ASB18: variants seen among roughly 807,000 people sequenced by gnomAD.
ASB18 encodes the protein ankyrin repeat and SOCS box containing 18.
ASB18 carries 33 observed loss-of-function variants against 33.4 expected under a neutral mutation model. That is an observed-to-expected ratio of 0.99 (90% CI 0.75 to 1.32). ASB18 has a LOEUF of 1.32. Among genes scored for constraint, ASB18 ranks in the 40% most tolerant of loss-of-function variants. ASB18 has a pLI of 0.00. For missense variants in ASB18, 694 were observed against 655.5 expected (o/e 1.06, Z -0.64); for synonymous variants, 295 against 307.6 (o/e 0.96, Z 0.43).
chr2:236,227,868 A>G (rs1388264953), intron 3 of ASB18, among the ~76,000 whole-genome samples: 1 of 152,204 alleles, frequency 6.6e-6, no homozygotes, highest in Non-Finnish European at 1.5e-5. Context: ...TGTTTGACAC[A>G]TTGCCATAGC....
rs1451729945 is a variant in ASB18 at position 236,244,120 on chromosome 2, C to T, written c.206-2718G>A. On this transcript the variant is annotated intron_variant, in intron 1 of 5. Transcript: ENST00000409749. The surrounding 1 kb of genome is among the most constrained non-coding windows in gnomAD (Gnocchi z 6.1). ...GGATTACAGGTGTGAGCCACCGTGCCCGGCCTGTTTTTCTTTCTTTCTTTC... is the reference window on the plus strand; with the variant it reads ...GGATTACAGGTGTGAGCCACCGTGCTCGGCCTGTTTTTCTTTCTTTCTTTC... Among the ~76,000 whole-genome samples, 3 of 152,202 alleles carry T rather than the reference C, an allele frequency of 2.0e-5. No individual in the cohort carries two copies. The highest frequency in any genetic ancestry group is 2.9e-5 in the Non-Finnish European group (2 of 68,040).
chr2:236,241,511 GTC>G lies in ASB18; in HGVS notation c.206-111_206-110del. The stretch of plus-strand genomic sequence containing the variant: ...AGTTTTCCTCTCACTGGCCCTGGCT[GTC>G]TCTCCATTGAGATGCCGTCGATTTC... On this transcript the variant is annotated intron_variant, in intron 1 of 5. Transcript: ENST00000409749. The surrounding 1 kb of genome is among the most constrained non-coding windows in gnomAD (Gnocchi z 4.2). 7.4e-7 allele frequency: 1 copy of G among 1,348,772 alleles called. No individual in the cohort carries two copies. The highest frequency in any genetic ancestry group is 1.0e-6 in the Non-Finnish European group (1 of 959,426). 83.6% of individuals were successfully genotyped at this position (1,348,772 alleles called of 1,614,324 possible).
intron 3 of ASB18, among the ~76,000 whole-genome samples, chr2:236,230,521 G>A (rs935911017): frequency 4.6e-5 from 7 of 151,554 alleles, no homozygotes; most frequent in African/African-American, 1.7e-4. Flanking sequence ...AAAAATAATA[G>A]CAATGTATTG....
chr2:236,212,279 C>T (rs1339456171), intron 4 of ASB18, among the ~76,000 whole-genome samples: 2 of 152,110 alleles, frequency 1.3e-5, no homozygotes, highest in Non-Finnish European at 2.9e-5. Context: ...CAGAACAGGG[C>T]CCCTGAGCAC....
chr2:236,255,236 C>T lies in ASB18; in HGVS notation c.205+8905G>A, dbSNP rs188950625. Among the ~76,000 whole-genome samples, 60 of 152,232 alleles carry T rather than the reference C, an allele frequency of 3.9e-4. No individual in the cohort carries two copies. The highest frequency in any genetic ancestry group is 2.5e-3 in the Admixed American group (38 of 15,284). Reference sequence around the variant, plus strand: ...TTGGCTCACTGCAACCTCCTCCTCCCAGGTTCAAGCGATTCTCCTGCCTCA... The same window carrying T: ...TTGGCTCACTGCAACCTCCTCCTCCTAGGTTCAAGCGATTCTCCTGCCTCA... On this transcript the variant is annotated intron_variant, in intron 1 of 5. Transcript: ENST00000409749. The surrounding 1 kb of genome is among the most constrained non-coding windows in gnomAD (Gnocchi z 4.4).
Position 236,194,965 on chromosome 2 carries a change from A to G in ASB18, c.1308T>C (p.Phe436=). The change falls in exon 6 of 6, where the codon TTT becomes TTC. Residue 436 remains phenylalanine, a synonymous_variant. Transcript: ENST00000409749. This position sits in a 1 kb window ranked among gnomAD's most constrained non-coding sequence, Gnocchi z 4.5. The stretch of plus-strand genomic sequence containing the variant: ...GGATGAGGTCAAAGCACCTTTTGCC[A>G]AACAGTCTGCGAAGAGCACAGCGGC... ...HLCRCALRRL[F]GKRCFDLIPL... 2 of 1,613,970 alleles carry G rather than the reference A, an allele frequency of 1.2e-6. No homozygotes were observed. The highest frequency in any genetic ancestry group is 2.2e-5 in the East Asian group (1 of 44,884).
chr2:236,196,263 C>G lies in ASB18; in HGVS notation c.1215+9G>C. On this transcript the variant is annotated intron_variant, in intron 5 of 5. Coordinates refer to ENST00000409749, the MANE Select transcript of ASB18 (RefSeq NM_212556.4). The surrounding 1 kb of genome is among the most constrained non-coding windows in gnomAD (Gnocchi z 5.6). ...GTACTAAAGATGGGCAGAAAGGCAG[C>G]CCTCTTGCCTGGAATACTTCCTCAG... 6.8e-7 allele frequency: 1 copy of G among 1,466,238 alleles called. No homozygotes were observed. Among genetic ancestry groups the G allele is most frequent in the Non-Finnish European group, 9.4e-7 (1 of 1,068,520 alleles). 90.8% of individuals were successfully genotyped at this position (1,466,238 alleles called of 1,614,324 possible).
Position 236,241,520 on chromosome 2 carries a change from T to G in ASB18, c.206-118A>C, listed in dbSNP as rs753088712. The G allele has an allele frequency of 5.9e-5, 72 of 1,228,686 alleles. No homozygotes were observed. In the Admixed American group the frequency reaches 8.6e-4, roughly 15 times the overall value. The allele number at this position is 1,228,686 out of a possible 1,614,324, so 76.1% of individuals were successfully genotyped here. On this transcript the variant is annotated intron_variant, in intron 1 of 5. Transcript: ENST00000409749. This position sits in a 1 kb window ranked among gnomAD's most constrained non-coding sequence, Gnocchi z 4.2. ...CTCACTGGCCCTGGCTGTCTCTCCA[T>G]TGAGATGCCGTCGATTTCAGAAGAG...
Position 236,263,483 on chromosome 2 carries a change from A to G in ASB18, c.205+658T>C, listed in dbSNP as rs1165455338. On this transcript the variant is annotated intron_variant, in intron 1 of 5. Transcript: ENST00000409749. The surrounding 1 kb of genome is among the most constrained non-coding windows in gnomAD (Gnocchi z 4.0). ...TGGTGAGGTTGTGGTGAAACACATC[A>G]CCTCACTGTCAGAGGGAACAGAAAC... Among the ~76,000 whole-genome samples, 1 of 152,202 alleles carries G rather than the reference A, an allele frequency of 6.6e-6. No homozygotes were observed. Among genetic ancestry groups the G allele is most frequent in the Non-Finnish European group, 1.5e-5 (1 of 68,038 alleles).
chr2:236,243,129 G>A (rs1221328466), intron 1 of ASB18, among the ~76,000 whole-genome samples: 1 of 150,184 alleles, frequency 6.7e-6, no homozygotes, highest in Non-Finnish European at 1.5e-5. Flanking sequence ...AGGAGATCGA[G>A]ATCATCCTGG....
In ASB18 at chr2:236,237,662, G is replaced by T; in HGVS notation, c.596+27C>A. The T allele has an allele frequency of 7.3e-7, 1 of 1,370,124 alleles. No homozygotes were observed. The highest frequency in any genetic ancestry group is 2.7e-4 in the Middle Eastern group (1 of 3,654). 84.9% of individuals were successfully genotyped at this position (1,370,124 alleles called of 1,614,324 possible). A position where few individuals can be genotyped will look rare whatever the true frequency, so the allele number is the denominator to read the frequency against. On this transcript the variant is annotated intron_variant, in intron 3 of 5. Coordinates refer to ENST00000409749, the MANE Select transcript of ASB18 (RefSeq NM_212556.4). The surrounding 1 kb of genome is among the most constrained non-coding windows in gnomAD (Gnocchi z 6.2). ...CGTCTGGTCTCGGGGCGGGGCGGAC[G>T]CCGCGGGCCTGTCCCGAGGTCCTTA...
rs1553600511 is a variant in ASB18, at chr2:236,217,424, A to AAAAAAAAAAAAAAAT, written c.597-2559_597-2558insATTTTTTTTTTTTTT. Among the ~76,000 whole-genome samples the AAAAAAAAAAAAAAAT allele has an allele frequency of 1.3e-5, 2 of 150,306 alleles. No individual in the cohort carries two copies. Among genetic ancestry groups the AAAAAAAAAAAAAAAT allele is most frequent in the Admixed American group, 6.6e-5 (1 of 15,158 alleles). ...CGAGACTCTGTCTCAAAAAAAAAAAAAAATAAATCTTGGCACCTTCAACTC... is the reference window on the plus strand; with the variant it reads ...CGAGACTCTGTCTCAAAAAAAAAAAAAAAAAAAAAAAAAATAAATAAATCTTGGCACCTTCAACTC... On this transcript the variant is annotated intron_variant, in intron 3 of 5. Coordinates refer to ENST00000409749, the MANE Select transcript of ASB18 (RefSeq NM_212556.4). The surrounding 1 kb of genome is among the most constrained non-coding windows in gnomAD (Gnocchi z 5.2).
chr2:236,242,177 C>G (rs2060624107), intron 1 of ASB18, among the ~76,000 whole-genome samples: 1 of 152,186 alleles, frequency 6.6e-6, no homozygotes, highest in Admixed American at 6.5e-5. Context: ...AGCAGCTGTG[C>G]TATGATTGGA....
Position 236,251,807 on chromosome 2 carries a change from T to C in ASB18, c.206-10405A>G, listed in dbSNP as rs139001877. On this transcript the variant is annotated intron_variant, in intron 1 of 5. Transcript: ENST00000409749. This position sits in a 1 kb window ranked among gnomAD's most constrained non-coding sequence, Gnocchi z 5.3. ...AGTGAAAAATGACAAGAGATCTTTT[T>C]GCCTATTGTGAAAGATTTTTTAAAA... Among the ~76,000 whole-genome samples the C allele has an allele frequency of 2.0e-4, 30 of 152,360 alleles. No individual in the cohort carries two copies. Among genetic ancestry groups the C allele is most frequent in the Middle Eastern group, 3.4e-3 (1 of 294 alleles).
In ASB18 at chr2:236,216,872, C is replaced by T. The variant is rs1326548178; in HGVS notation, c.597-2006G>A. ...TCACCGGGTTCACCTCCTGAGGCGCCGCCTCTCCATGCTTCAATTCTGCCT... is the reference window on the plus strand; with the variant it reads ...TCACCGGGTTCACCTCCTGAGGCGCTGCCTCTCCATGCTTCAATTCTGCCT... On this transcript the variant is annotated intron_variant, in intron 3 of 5. Transcript: ENST00000409749. This position sits in a 1 kb window ranked among gnomAD's most constrained non-coding sequence, Gnocchi z 6.1. Among the ~76,000 whole-genome samples, 3 of 152,148 alleles carry T rather than the reference C, an allele frequency of 2.0e-5. No individual in the cohort carries two copies. The highest frequency in any genetic ancestry group is 2.9e-5 in the Non-Finnish European group (2 of 68,042).
At chr2:236,261,135 T>C (rs1398014542) in intron 1 of ASB18, among the ~76,000 whole-genome samples, 1 of 152,076 alleles carries the variant, frequency 6.6e-6, no homozygotes, top group East Asian at 1.9e-4. Flanking sequence ...CAATTATTTG[T>C]AAAGATGCTT....
Position 236,239,690 on chromosome 2 carries a change from G to T in ASB18, c.328+1590C>A, listed in dbSNP as rs1054857399. Reference sequence around the variant, plus strand: ...TTCTATCACGGAGGGGCACCGAGGTGGTGGCCACTGGGGACCTGCTCCCTG... The same window carrying T: ...TTCTATCACGGAGGGGCACCGAGGTTGTGGCCACTGGGGACCTGCTCCCTG... On this transcript the variant is annotated intron_variant, in intron 2 of 5. Coordinates refer to ENST00000409749, the MANE Select transcript of ASB18 (RefSeq NM_212556.4). The surrounding 1 kb of genome is among the most constrained non-coding windows in gnomAD (Gnocchi z 5.6). Among the ~76,000 whole-genome samples the T allele has an allele frequency of 3.9e-5, 6 of 152,240 alleles. No homozygotes were observed. Among genetic ancestry groups the T allele is most frequent in the African/African-American group, 1.2e-4 (5 of 41,460 alleles).
Position 236,194,919 on chromosome 2 carries a change from G to A in ASB18, c.1354C>T (p.Pro452Ser). Reference sequence around the variant, plus strand: ...TCCAAAAGTAGGTAATTCTGCAGGGGCTTTGGCAAGGGTAACAGGGGGATG... The same window carrying A: ...TCCAAAAGTAGGTAATTCTGCAGGGACTTTGGCAAGGGTAACAGGGGGATG... Reference protein sequence around the residue: ...DLIPLLPLPKPLQNYLLLEPQ... With the variant: ...DLIPLLPLPKSLQNYLLLEPQ... The change falls in exon 6 of 6, where the codon CCC becomes TCC. Residue 452 changes from proline to serine, a missense_variant. Physicochemically the swap from Pro to Ser is moderately conservative, Grantham distance 74. Coordinates refer to ENST00000409749, the MANE Select transcript of ASB18 (RefSeq NM_212556.4). This position sits in a 1 kb window ranked among gnomAD's most constrained non-coding sequence, Gnocchi z 4.5. 1 of 1,613,814 alleles carries A rather than the reference G, an allele frequency of 6.2e-7. No homozygotes were observed. The highest frequency in any genetic ancestry group is 1.1e-5 in the South Asian group (1 of 90,990).
Position 236,214,269 on chromosome 2 carries a change from C to T in ASB18, c.1101+93G>A. On this transcript the variant is annotated intron_variant, in intron 4 of 5. Coordinates refer to ENST00000409749, the MANE Select transcript of ASB18 (RefSeq NM_212556.4). This position sits in a 1 kb window ranked among gnomAD's most constrained non-coding sequence, Gnocchi z 6.5. ...CCCCAGGGGTGCCTGGGCCATTACA[C>T]TTTGAGAGCGCCGCATGCAACCCAG... 2 of 1,363,378 alleles carry T rather than the reference C, an allele frequency of 1.5e-6. No homozygotes were observed. The highest frequency in any genetic ancestry group is 5.4e-5 in the East Asian group (2 of 37,138). 84.5% of individuals were successfully genotyped at this position (1,363,378 alleles called of 1,614,324 possible). A position where few individuals can be genotyped will look rare whatever the true frequency, so the allele number is the denominator to read the frequency against.
Sources: allele counts gnomAD v4.1 joint callset (sites outside exome capture counted in the v4.1 genomes callset), GRCh38; gene constraint gnomAD v4.1.1; non-coding constraint Gnocchi (gnomAD v3.1); transcripts MANE v1.5; gene names NCBI Gene and HGNC (gene_info 2026-07-23, HGNC 2026-07-21).